Variants in PCDH11X observed in about 807,000 individuals in gnomAD.
PCDH11X encodes protocadherin-11 X-linked.
PCDH11X carries 18 observed loss-of-function variants against 53.3 expected under a neutral mutation model. That is an observed-to-expected ratio of 0.34 (90% CI 0.23 to 0.50). The LOEUF is 0.50. Among genes scored for constraint, PCDH11X ranks in the 20% least tolerant of loss-of-function variants. The pLI, the probability that PCDH11X is intolerant of heterozygous loss-of-function variation, is 0.98. For missense variants in PCDH11X, 570 were observed against 1,032.4 expected, an observed-to-expected ratio of 0.55 and a Z score of 6.14; for synonymous variants, 279 against 393.3, an observed-to-expected ratio of 0.71 and a Z score of 3.44.
intron 6 of PCDH11X, among the ~76,000 whole-genome samples, chrX:92,100,675 G>C (rs1354911654): frequency 2.3e-4 from 26 of 111,086 alleles, no homozygotes; most frequent in African/African-American, 8.6e-4. Context: ...CTTGGCTTGG[G>C]CTCAGAGGCC....
rs778753923 is a variant in PCDH11X, at chrX:92,062,673, G to A, written c.3034-138702G>A. On this transcript the variant is annotated intron_variant, in intron 6 of 10. Transcript: ENST00000682573. Reference sequence around the variant, plus strand: ...ACCATCTCATGCCAGTTAGAATGGCGATCATTAAAAAGTCAGAAAACAACA... The same window carrying A: ...ACCATCTCATGCCAGTTAGAATGGCAATCATTAAAAAGTCAGAAAACAACA... Among the ~76,000 whole-genome samples the A allele has an allele frequency of 6.3e-5, 7 of 111,880 alleles. No homozygotes were observed. The South Asian group carries it at 1.1e-3, about 18-fold the overall frequency.
At position 92,531,514 on chromosome X, in the gene PCDH11X, A is replaced by G. The variant is rs562147144; in HGVS notation, c.3367+63192A>G. Among the ~76,000 whole-genome samples the G allele has an allele frequency of 9.5e-4, 105 of 110,988 alleles. No individual in the cohort carries two copies. The South Asian group carries it at 0.017, about 18-fold the overall frequency. ...TTATTTGCTATTAACAATGAGTATC[A>G]TGCTATGAAAATTTCCTCAACCAGA... On this transcript the variant is annotated intron_variant, in intron 10 of 10. Transcript: ENST00000682573.
intron 6 of PCDH11X, among the ~76,000 whole-genome samples, chrX:92,065,545 A>G (rs1318485049): frequency 1.8e-5 from 2 of 111,745 alleles, no homozygotes; most frequent in African/African-American, 6.5e-5. Flanking sequence ...TGACTTTTGG[A>G]TAAAACCCAC....
chrX:91,793,659 A>G (rs753618711), intron 1 of PCDH11X, among the ~76,000 whole-genome samples: 2 of 111,800 alleles, frequency 1.8e-5, no homozygotes, highest in East Asian at 5.6e-4. Context: ...CTCTGTGAAG[A>G]TAAAAATATT....
In PCDH11X at chrX:91,812,077, G is replaced by C. The variant is rs747409367; in HGVS notation, c.-45+782G>C. Among the ~76,000 whole-genome samples, 3 of 110,570 alleles carry C rather than the reference G, an allele frequency of 2.7e-5. No individual in the cohort carries two copies. In the South Asian group the frequency reaches 1.2e-3, roughly 43 times the overall value. ...TAAGTTTGTCCACTTAGTGATTAGC[G>C]TGTACTCCAGTGCACCCCCACAACT... On this transcript the variant is annotated intron_variant, in intron 4 of 10. Transcript: ENST00000682573.
At chrX:91,885,807 C>G (rs1940171226) in intron 6 of PCDH11X, among the ~76,000 whole-genome samples, 1 of 111,777 alleles carries the variant, frequency 8.9e-6, no homozygotes, top group Non-Finnish European at 1.9e-5. Flanking sequence ...AAAATAGAAA[C>G]TTTATTTTTA....
chrX:92,164,978 TC>T (rs2065707318), intron 6 of PCDH11X, among the ~76,000 whole-genome samples: 1 of 104,249 alleles, frequency 9.6e-6, no homozygotes, highest in African/African-American at 3.5e-5. Flanking sequence ...TTATGAGGCC[TC>T]CCCAGCCATG....
intron 10 of PCDH11X, among the ~76,000 whole-genome samples, chrX:92,473,287 G>A (rs1371714876): frequency 2.7e-5 from 3 of 109,943 alleles, no homozygotes; most frequent in African/African-American, 9.9e-5. Flanking sequence ...TTGAATTCCT[G>A]TGGTATCAGT....
chrX:91,806,589 A>G (rs1297401351), intron 1 of PCDH11X, among the ~76,000 whole-genome samples: 1 of 112,573 alleles, frequency 8.9e-6, no homozygotes, highest in Non-Finnish European at 1.9e-5. Context: ...TCACTGAAAA[A>G]CTCAATTTTT....
chrX:92,388,727 A>C (rs150622936), intron 9 of PCDH11X, among the ~76,000 whole-genome samples: 1,491 of 110,730 alleles, frequency 0.013, 26 homozygotes, highest in African/African-American at 0.047. Flanking sequence ...ACAAAAAAGC[A>C]TACAATGTAT....
chrX:92,399,657 AAG>A (rs1377146688), intron 9 of PCDH11X, among the ~76,000 whole-genome samples: 1 of 111,890 alleles, frequency 8.9e-6, no homozygotes, highest in Non-Finnish European at 1.9e-5. Flanking sequence ...TTCTTCAATA[AAG>A]AGACTTTCTC....
At chrX:91,953,075 G>C (rs1413411308) in intron 6 of PCDH11X, among the ~76,000 whole-genome samples, 3 of 110,495 alleles carry the variant, frequency 2.7e-5, no homozygotes, top group African/African-American at 9.9e-5. Flanking sequence ...TGTGAGGGAG[G>C]TGGGGGTGGT....
rs751793983 is a variant in PCDH11X, at chrX:92,085,208, G to A, written c.3034-116167G>A. On this transcript the variant is annotated intron_variant, in intron 6 of 10. Coordinates refer to ENST00000682573, the MANE Select transcript of PCDH11X (RefSeq NM_032968.5). ...TGCTTGTGATTGACTGAAGCTCTGT[G>A]TCTTGTGATTGGCTGAAACTTCGCT... 2.7e-5 allele frequency among the ~76,000 whole-genome samples: 3 copies of A among 110,575 alleles called. No individual in the cohort carries two copies. In the Admixed American group the frequency reaches 2.9e-4, roughly 11 times the overall value.
At chrX:92,254,514 TG>T (rs2148402416) in intron 7 of PCDH11X, among the ~76,000 whole-genome samples, 1 of 108,763 alleles carries the variant, frequency 9.2e-6, no homozygotes, top group African/African-American at 3.4e-5. Context: ...GCGCGTTAGT[TG>T]ATGCAGTTTC....
chrX:92,069,295 C>T (rs1263552380), intron 6 of PCDH11X, among the ~76,000 whole-genome samples: 1 of 108,014 alleles, frequency 9.3e-6, no homozygotes, highest in Non-Finnish European at 1.9e-5. Flanking sequence ...CATACTCCTG[C>T]TCTTTTTTGG....
intron 5 of PCDH11X, among the ~76,000 whole-genome samples, chrX:91,850,711 T>C (rs1459461661): frequency 9.0e-6 from 1 of 111,475 alleles, no homozygotes; most frequent in East Asian, 2.8e-4. Context: ...ATTAGATGTA[T>C]ACCTTGTTCT....
At chrX:92,161,309 A>C (rs937073679) in intron 6 of PCDH11X, among the ~76,000 whole-genome samples, 1 of 111,662 alleles carries the variant, frequency 9.0e-6, no homozygotes, top group African/African-American at 3.2e-5. Flanking sequence ...CTTTTGGCTG[A>C]TAATTATTTT....
chrX:92,287,975 T>A, intron 8 of PCDH11X: 5 of 515,374 alleles, frequency 9.7e-6, no homozygotes, highest in Middle Eastern at 6.3e-4. Flanking sequence ...AGACTGTGCT[T>A]ACTTCCTCTT....
chrX:92,201,211 C>A, intron 6 of PCDH11X, 164 bp from the exon 7 acceptor site: 1 of 294,509 alleles, frequency 3.4e-6, no homozygotes. Context: ...ATATTGTTAA[C>A]CCTCAATAAC....
Sources: gnomAD v4.1 joint callset for allele counts (sites outside exome capture counted in the v4.1 genomes callset) on GRCh38, gnomAD v4.1.1 for gene constraint, MANE v1.5 for transcripts, NCBI Gene and HGNC (gene_info 2026-07-23, HGNC 2026-07-21) for gene names.